The following NKAIN2 variants were observed in gnomAD, a reference collection of about 807,000 sequenced individuals.
NKAIN2 encodes the protein sodium/potassium transporting ATPase interacting 2, also known as sodium/potassium-transporting ATPase subunit beta-1-interacting protein 2.
Under a neutral mutation model 32.6 loss-of-function variants are expected in NKAIN2, and 14 were observed. The observed-to-expected ratio is 0.43, with a 90% CI of 0.28 to 0.67. The LOEUF (loss-of-function observed/expected upper bound fraction) is 0.67. Among genes scored for constraint, NKAIN2 ranks in the 30% least tolerant of loss-of-function variants. The pLI is 0.17. For missense variants in NKAIN2, 198 were observed against 258.3 expected, an observed-to-expected ratio of 0.77 and a Z score of 1.60; for synonymous variants, 80 against 87.2, an observed-to-expected ratio of 0.92 and a Z score of 0.46.
chr6:123,888,103 C>T (rs1451147503), intron 1 of NKAIN2, among the ~76,000 whole-genome samples: 1 of 152,022 alleles, frequency 6.6e-6, no homozygotes. Context: ...AAATTAAATG[C>T]TCTTTAAAAT....
chr6:124,262,506 C>T (rs1794299991), intron 1 of NKAIN2, among the ~76,000 whole-genome samples: 6 of 152,120 alleles, frequency 3.9e-5, no homozygotes, highest in Admixed American at 3.9e-4. Flanking sequence ...GAAATGCACA[C>T]CAGATATTGA....
At chr6:123,816,736 G>A (rs527445241) in intron 1 of NKAIN2, among the ~76,000 whole-genome samples, 3 of 152,230 alleles carry the variant, frequency 2.0e-5, no homozygotes, top group East Asian at 3.9e-4. Flanking sequence ...AAGGAGGTGG[G>A]TACAGCAGAA....
intron 3 of NKAIN2, among the ~76,000 whole-genome samples, chr6:124,489,810 A>T (rs543741159): frequency 6.6e-6 from 1 of 151,978 alleles, no homozygotes; most frequent in Admixed American, 6.6e-5. Flanking sequence ...TTCATAATAT[A>T]TTCACTAAAT....
intron 3 of NKAIN2, among the ~76,000 whole-genome samples, chr6:124,402,155 GC>G (rs1470485407): frequency 6.6e-6 from 1 of 152,090 alleles, no homozygotes; most frequent in Non-Finnish European, 1.5e-5. Flanking sequence ...GAACAGGACA[GC>G]CCCCACCCCA....
At chr6:124,617,082 G>A (rs1345680802) in intron 3 of NKAIN2, among the ~76,000 whole-genome samples, 1 of 152,166 alleles carries the variant, frequency 6.6e-6, no homozygotes, top group Non-Finnish European at 1.5e-5. Context: ...TAGGCAAGAT[G>A]TTTATCTGAA....
intron 3 of NKAIN2, among the ~76,000 whole-genome samples, chr6:124,500,567 T>C (rs536441216): frequency 6.6e-6 from 1 of 152,074 alleles, no homozygotes; most frequent in Non-Finnish European, 1.5e-5. Context: ...GGCAGGAGAA[T>C]TGCTTGAACC....
chr6:124,032,247 A>G (rs549599622), intron 1 of NKAIN2, among the ~76,000 whole-genome samples: 2 of 115,868 alleles, frequency 1.7e-5, no homozygotes, highest in East Asian at 6.0e-4. Context: ...AACATCACAC[A>G]CTGGGGTCTG....
At chr6:124,690,124 T>C (rs994856951) in intron 4 of NKAIN2, among the ~76,000 whole-genome samples, 1 of 152,162 alleles carries the variant, frequency 6.6e-6, no homozygotes, top group Non-Finnish European at 1.5e-5. Context: ...TTTGACATTT[T>C]AACAGAGTTT....
chr6:124,096,922 C>T (rs1346652713), intron 1 of NKAIN2, among the ~76,000 whole-genome samples: 1 of 151,744 alleles, frequency 6.6e-6, no homozygotes, highest in Admixed American at 6.6e-5. Context: ...CACTCCAACA[C>T]CTAGGGTTCT....
intron 3 of NKAIN2, among the ~76,000 whole-genome samples, chr6:124,400,773 A>T (rs1187581285): frequency 6.6e-6 from 1 of 152,234 alleles, no homozygotes; most frequent in Non-Finnish European, 1.5e-5. Context: ...ATTCTTGTGT[A>T]AACACTGTGC....
chr6:124,205,489 C>G (rs1314091848), intron 1 of NKAIN2, among the ~76,000 whole-genome samples: 1 of 151,694 alleles, frequency 6.6e-6, no homozygotes, highest in African/African-American at 2.4e-5. Context: ...ATGTTTATCT[C>G]TCCAAGAAGT....
chr6:124,396,556 G>A (rs1011178941), intron 3 of NKAIN2, among the ~76,000 whole-genome samples: 3 of 152,088 alleles, frequency 2.0e-5, no homozygotes, highest in African/African-American at 7.2e-5. Context: ...AATGAAACAC[G>A]ATGAGTCAGA....
intron 1 of NKAIN2, among the ~76,000 whole-genome samples, chr6:124,278,793 A>G (rs1044852511): frequency 9.3e-5 from 14 of 150,948 alleles, no homozygotes; most frequent in African/African-American, 3.4e-4. Context: ...TTGACCCAAC[A>G]TTTCTATTTT....
At chr6:124,493,184 T>G (rs1307803979) in intron 3 of NKAIN2, among the ~76,000 whole-genome samples, 1 of 152,072 alleles carries the variant, frequency 6.6e-6, no homozygotes, top group African/African-American at 2.4e-5. Context: ...CACATTATGA[T>G]ATTACATTGG....
intron 1 of NKAIN2, among the ~76,000 whole-genome samples, chr6:123,947,978 T>A (rs551281458): frequency 1.2e-4 from 18 of 152,194 alleles, no homozygotes; most frequent in African/African-American, 3.6e-4. Context: ...TGAAATCAAC[T>A]TTTTTTAGAT....
At chr6:123,850,489 C>A (rs115371663) in intron 1 of NKAIN2, among the ~76,000 whole-genome samples, 2 of 151,836 alleles carry the variant, frequency 1.3e-5, no homozygotes, top group Admixed American at 6.6e-5. Context: ...AGTAATCCAA[C>A]GACATTTTAT....
chr6:123,912,252 T>C (rs1775251973), intron 1 of NKAIN2, among the ~76,000 whole-genome samples: 1 of 152,036 alleles, frequency 6.6e-6, no homozygotes, highest in Non-Finnish European at 1.5e-5. Flanking sequence ...AGCTGTAACA[T>C]GTAATATTAT....
rs528613738 is a variant in NKAIN2 at position 124,713,559 on chromosome 6, G to A, written c.474+55173G>A. Among the ~76,000 whole-genome samples the A allele has an allele frequency of 1.5e-4, 23 of 152,176 alleles. 1 individual carries two copies. In the South Asian group the frequency reaches 3.7e-3, roughly 25 times the overall value. On this transcript the variant is annotated intron_variant, in intron 4 of 6. Coordinates refer to ENST00000368417, the MANE Select transcript of NKAIN2 (RefSeq NM_001040214.3). ...GGGTAGAGCTTACATTTCCATACTC[G>A]TAGCTTTGTGGTTTCATTTTAGGAA...
intron 6 of NKAIN2, among the ~76,000 whole-genome samples, chr6:124,820,463 A>G (rs568202768): frequency 7.2e-5 from 11 of 152,358 alleles, no homozygotes; most frequent in Non-Finnish European, 1.0e-4. Context: ...AACGTAGGAT[A>G]TGTCACATAG....
Sources: gnomAD v4.1 joint callset for allele counts (sites outside exome capture counted in the v4.1 genomes callset) on GRCh38, gnomAD v4.1.1 for gene constraint, MANE v1.5 for transcripts, NCBI Gene and HGNC (gene_info 2026-07-23, HGNC 2026-07-21) for gene names.